The following CELF2 variants were observed in gnomAD, a reference collection of about 807,000 sequenced individuals.
The protein encoded by CELF2 is CUGBP Elav-like family member 2, also known as CUG triplet repeat RNA-binding protein 2.
In CELF2, 8 loss-of-function variants were observed where a neutral mutation model predicts 62.6. The observed-to-expected ratio is 0.13, with a 90% CI of 0.07 to 0.23. The LOEUF is 0.23. Among genes scored for constraint, CELF2 ranks in the 10% least tolerant of loss-of-function variants. CELF2 has a pLI of 1.00. For missense variants in CELF2, 333 were observed against 671.0 expected, an observed-to-expected ratio of 0.50 and a Z score of 5.56; for synonymous variants, 258 against 250.0, an observed-to-expected ratio of 1.03 and a Z score of -0.30.
chr10:11,219,061 A>T (rs2064078274), intron 3 of CELF2, among the ~76,000 whole-genome samples: 1 of 152,226 alleles, frequency 6.6e-6, no homozygotes, highest in Admixed American at 6.5e-5. Flanking sequence ...TGTGTTTTTT[A>T]AAATTACTTG....
intron 1 of CELF2, among the ~76,000 whole-genome samples, chr10:10,836,018 T>C (rs1205978515): frequency 6.6e-6 from 1 of 152,152 alleles, no homozygotes; most frequent in Non-Finnish European, 1.5e-5. Context: ...TTTGGACATG[T>C]CAGCGTTGAG....
chr10:10,662,652 G>A, the CELF2 span, among the ~76,000 whole-genome samples: 2 of 152,114 alleles, frequency 1.3e-5, no homozygotes, highest in African/African-American at 2.4e-5. Flanking sequence ...GGTCTTTGGA[G>A]CAAGTGATGT....
the CELF2 span, among the ~76,000 whole-genome samples, chr10:10,684,933 T>C: frequency 6.6e-6 from 1 of 152,142 alleles, no homozygotes; most frequent in Admixed American, 6.5e-5. Flanking sequence ...CCTTTAAGCA[T>C]TGAGAGTTAA....
At chr10:10,484,127 T>C in the CELF2 span, among the ~76,000 whole-genome samples, 22 of 2,144 alleles carry the variant, frequency 0.01, no homozygotes, top group Admixed American at 0.018. Context: ...CCCTCCCCCC[T>C]CCTCTCTCTC....
intron 1 of CELF2, among the ~76,000 whole-genome samples, chr10:10,815,780 C>A (rs1270097981): frequency 6.6e-6 from 1 of 152,030 alleles, no homozygotes; most frequent in Non-Finnish European, 1.5e-5. Flanking sequence ...ACCCAGAACA[C>A]CCTCAACCAG....
chr10:11,086,602 A>C lies in CELF2; in HGVS notation c.74+68439A>C, dbSNP rs896424179. Among the ~76,000 whole-genome samples, 88 of 132,516 alleles carry C rather than the reference A, an allele frequency of 6.6e-4. 1 individual carries two copies. Among genetic ancestry groups the C allele is most frequent in the Non-Finnish European group, 8.9e-4 (54 of 60,784 alleles). The allele number at this position is 132,516 out of a possible 152,430, so 86.9% of individuals were successfully genotyped here. A position where few individuals can be genotyped will look rare whatever the true frequency, so the allele number is the denominator to read the frequency against. ...TTAAAAAAAAAAAAAAAAAAAAAAA[A>C]AAAAAAAACTCCCGACAGCACCAGC... On this transcript the variant is annotated intron_variant, in intron 1 of 12. Coordinates refer to ENST00000633077, the MANE Select transcript of CELF2 (RefSeq NM_001326342.2).
intron 1 of CELF2, among the ~76,000 whole-genome samples, chr10:10,895,532 C>T (rs1250317178): frequency 6.6e-6 from 1 of 152,050 alleles, no homozygotes; most frequent in Non-Finnish European, 1.5e-5. Context: ...AAATTTTCAG[C>T]CTATTCAGAT....
chr10:10,693,839 C>T, the CELF2 span, among the ~76,000 whole-genome samples: 18 of 151,822 alleles, frequency 1.2e-4, no homozygotes, highest in Admixed American at 7.9e-4. Context: ...TTTGTATTTC[C>T]GTGGGATCAG....
chr10:10,519,026 A>G, the CELF2 span, among the ~76,000 whole-genome samples: 1 of 152,212 alleles, frequency 6.6e-6, no homozygotes, highest in Non-Finnish European at 1.5e-5. Flanking sequence ...TCAATCAAAA[A>G]ATAACATAGG....
the CELF2 span, among the ~76,000 whole-genome samples, chr10:10,536,205 A>G: frequency 6.6e-6 from 1 of 151,974 alleles, no homozygotes; most frequent in Non-Finnish European, 1.5e-5. Flanking sequence ...TTTTTAGTAG[A>G]GATGGGGTTT....
chr10:11,283,885 G>T, intron 8 of CELF2, among the ~76,000 whole-genome samples: 1 of 151,574 alleles, frequency 6.6e-6, no homozygotes, highest in African/African-American at 2.4e-5. Context: ...GGATGGAGGG[G>T]TGGGTGGATG....
chr10:11,245,527 G>T (rs1442472419), intron 3 of CELF2, among the ~76,000 whole-genome samples: 1 of 152,232 alleles, frequency 6.6e-6, no homozygotes, highest in Non-Finnish European at 1.5e-5. Context: ...GCTCTGCGAA[G>T]TTGATTTTTC....
In CELF2 at chr10:11,031,001, G is replaced by A. The variant is rs370506579; in HGVS notation, c.74+12838G>A. Reference sequence around the variant, plus strand: ...CACTTATTCTTCATTTATGATAACGGTATATTTTATGAAGAGGTTTCTTTG... The same window carrying A: ...CACTTATTCTTCATTTATGATAACGATATATTTTATGAAGAGGTTTCTTTG... On this transcript the variant is annotated intron_variant, in intron 1 of 12. Coordinates refer to ENST00000633077, the MANE Select transcript of CELF2 (RefSeq NM_001326342.2). The A allele has an allele frequency of 2.6e-5, 4 of 152,268 alleles. No homozygotes were observed. The East Asian group carries it at 5.8e-4, about 22-fold the overall frequency. The allele number at this position is 152,268 out of a possible 1,614,324, so 9.4% of individuals were successfully genotyped here. A position where few individuals can be genotyped will look rare whatever the true frequency, so the allele number is the denominator to read the frequency against.
intron 3 of CELF2, among the ~76,000 whole-genome samples, chr10:11,231,148 T>G (rs996182434): frequency 6.6e-6 from 1 of 152,246 alleles, no homozygotes; most frequent in Non-Finnish European, 1.5e-5. Context: ...GATTTCCCCT[T>G]GAGTGAGTTC....
At chr10:10,832,916 A>G (rs1343466949) in intron 1 of CELF2, among the ~76,000 whole-genome samples, 1 of 152,132 alleles carries the variant, frequency 6.6e-6, no homozygotes, top group Admixed American at 6.5e-5. Flanking sequence ...TCAGATATCC[A>G]AGAATCACCT....
the CELF2 span, among the ~76,000 whole-genome samples, chr10:10,504,485 A>C: frequency 1.3e-5 from 2 of 152,154 alleles, no homozygotes; most frequent in Non-Finnish European, 2.9e-5. Context: ...GGCTGCTTTC[A>C]AGATGTTTAT....
the CELF2 span, among the ~76,000 whole-genome samples, chr10:10,604,125 G>T: frequency 8.5e-5 from 13 of 152,168 alleles, no homozygotes; most frequent in Non-Finnish European, 1.8e-4. Flanking sequence ...CACAAGAATC[G>T]CTTGAACCTG....
chr10:10,755,682 C>T, the CELF2 span, among the ~76,000 whole-genome samples: 1 of 152,214 alleles, frequency 6.6e-6, no homozygotes, highest in African/African-American at 2.4e-5. Context: ...GTGATGGCCA[C>T]GCCCCCTCTT....
intron 1 of CELF2, among the ~76,000 whole-genome samples, chr10:11,043,010 T>C (rs767294446): frequency 2.0e-5 from 3 of 152,226 alleles, no homozygotes; most frequent in African/African-American, 7.2e-5. Context: ...TGAAAACTTA[T>C]TTTTAATCCT....
Sources: gnomAD v4.1 joint callset for allele counts (sites outside exome capture counted in the v4.1 genomes callset) on GRCh38, gnomAD v4.1.1 for gene constraint, MANE v1.5 for transcripts, NCBI Gene and HGNC (gene_info 2026-07-23, HGNC 2026-07-21) for gene names.